Variants in SLC35F1 observed in about 807,000 individuals in gnomAD.
SLC35F1 encodes chromosome 6 open reading frame 169.
In SLC35F1, 14 loss-of-function variants were observed where a neutral mutation model predicts 48.7. That is an observed-to-expected ratio of 0.29 (90% CI 0.19 to 0.45). The LOEUF (loss-of-function observed/expected upper bound fraction) is 0.45. Among genes scored for constraint, SLC35F1 ranks in the 20% least tolerant of loss-of-function variants. The pLI, the probability that SLC35F1 is intolerant of heterozygous loss-of-function variation, is 1.00. For missense variants in SLC35F1, 404 were observed against 500.0 expected, an observed-to-expected ratio of 0.81 and a Z score of 1.83; for synonymous variants, 190 against 202.2, an observed-to-expected ratio of 0.94 and a Z score of 0.51.
At chr6:117,998,763 C>A (rs1355762922) in intron 1 of SLC35F1, among the ~76,000 whole-genome samples, 1 of 152,330 alleles carries the variant, frequency 6.6e-6, no homozygotes, top group Non-Finnish European at 1.5e-5. Context: ...ATCTCTGGGA[C>A]ACATTCAAAG....
At chr6:118,127,305 A>C (rs192037914) in intron 1 of SLC35F1, among the ~76,000 whole-genome samples, 75 of 152,262 alleles carry the variant, frequency 4.9e-4, no homozygotes, top group African/African-American at 1.6e-3. Context: ...GTATATTGAA[A>C]CAGCCTTGCA....
At chr6:118,172,738 T>C (rs1774424875) in intron 2 of SLC35F1, among the ~76,000 whole-genome samples, 1 of 152,180 alleles carries the variant, frequency 6.6e-6, no homozygotes. Context: ...GAATTTGTAA[T>C]TGTGGTTGTT....
At chr6:118,101,605 G>A (rs950606647) in intron 1 of SLC35F1, among the ~76,000 whole-genome samples, 1 of 152,148 alleles carries the variant, frequency 6.6e-6, no homozygotes, top group Non-Finnish European at 1.5e-5. Flanking sequence ...GAAGTGGGAT[G>A]GGAGAAGGGG....
intron 6 of SLC35F1, among the ~76,000 whole-genome samples, chr6:118,277,905 C>T (rs997889347): frequency 3.3e-5 from 5 of 151,896 alleles, no homozygotes; most frequent in Non-Finnish European, 7.4e-5. Flanking sequence ...CTGATGTAAC[C>T]ATTAAAAAGT....
At chr6:118,206,092 G>T (rs565047101) in intron 2 of SLC35F1, among the ~76,000 whole-genome samples, 12 of 152,018 alleles carry the variant, frequency 7.9e-5, no homozygotes, top group African/African-American at 2.9e-4. Context: ...GTAAATGTAT[G>T]GCTATATGAT....
At chr6:118,305,836 G>A (rs924308969) in intron 7 of SLC35F1, among the ~76,000 whole-genome samples, 5 of 152,180 alleles carry the variant, frequency 3.3e-5, no homozygotes, top group South Asian at 2.1e-4. Context: ...TGGTCACATG[G>A]TTGCAGCTGG....
At chr6:118,240,835 T>G (rs1352881865) in intron 3 of SLC35F1, among the ~76,000 whole-genome samples, 1 of 152,068 alleles carries the variant, frequency 6.6e-6, no homozygotes, top group African/African-American at 2.4e-5. Context: ...CCGAGCAGGG[T>G]CGTGTCTGGG....
At chr6:118,208,007 T>C (rs1582730150) in intron 2 of SLC35F1, among the ~76,000 whole-genome samples, 1 of 152,190 alleles carries the variant, frequency 6.6e-6, no homozygotes, top group Non-Finnish European at 1.5e-5. Context: ...AAAAGGGCAA[T>C]GCCTTCTTTA....
At chr6:118,266,862 C>T (rs1032528599) in intron 3 of SLC35F1, 133 bp from the exon 4 acceptor site, 1 of 865,868 alleles carries the variant, frequency 1.2e-6, no homozygotes, top group Admixed American at 2.1e-5. Context: ...TACATCAAGT[C>T]TGGGTCTACA....
At chr6:118,046,179 A>G (rs1562273495) in intron 1 of SLC35F1, among the ~76,000 whole-genome samples, 1 of 152,190 alleles carries the variant, frequency 6.6e-6, no homozygotes, top group Non-Finnish European at 1.5e-5. Flanking sequence ...TTAAAACTAG[A>G]CTAAATGAAT....
chr6:118,012,322 TG>T (rs68094027), intron 1 of SLC35F1, among the ~76,000 whole-genome samples: 35,660 of 115,722 alleles, frequency 0.31, 4,558 homozygotes, highest in African/African-American at 0.4. Context: ...GGACAATAAA[TG>T]GGGAAAAAAA....
chr6:118,208,675 A>G lies in SLC35F1; in HGVS notation c.350-26834A>G, dbSNP rs557428213. On this transcript the variant is annotated intron_variant, in intron 2 of 7. Coordinates refer to ENST00000360388, the MANE Select transcript of SLC35F1 (RefSeq NM_001029858.4). ...ATGTAACTAGATAGAAAAAATACCC[A>G]TTGTTCTACCATCCCATCACAAACA... Among the ~76,000 whole-genome samples, 29 of 152,302 alleles carry G rather than the reference A, an allele frequency of 1.9e-4. 2 individuals carry two copies. The South Asian group carries it at 5.8e-3, about 30-fold the overall frequency.
intron 1 of SLC35F1, among the ~76,000 whole-genome samples, chr6:118,024,561 GGT>G (rs915286796): frequency 6.6e-6 from 1 of 152,074 alleles, no homozygotes; most frequent in African/African-American, 2.4e-5. Context: ...CATTGTTTCA[GGT>G]CTTCAGTCAT....
At chr6:118,071,063 C>CATA (rs1772709765) in intron 1 of SLC35F1, among the ~76,000 whole-genome samples, 1 of 560 alleles carries the variant, frequency 1.8e-3, no homozygotes. Flanking sequence ...ATATATTCTA[C>CATA]GTATATATAC....
chr6:118,118,586 T>C (rs985895312), intron 1 of SLC35F1, among the ~76,000 whole-genome samples: 1 of 152,252 alleles, frequency 6.6e-6, no homozygotes, highest in Non-Finnish European at 1.5e-5. Flanking sequence ...ACATGCTTCA[T>C]GCCCATTTGT....
At chr6:118,040,664 G>T (rs920934175) in intron 1 of SLC35F1, among the ~76,000 whole-genome samples, 1 of 151,868 alleles carries the variant, frequency 6.6e-6, no homozygotes, top group African/African-American at 2.4e-5. Context: ...GGACATTAAA[G>T]GTTAGTAGTT....
chr6:117,960,683 C>A (rs921628147), intron 1 of SLC35F1, among the ~76,000 whole-genome samples: 3 of 152,020 alleles, frequency 2.0e-5, no homozygotes, highest in African/African-American at 7.3e-5. Context: ...GAAGTGTATT[C>A]TCTGCAGAAG....
chr6:117,970,989 TC>T (rs1776630490), intron 1 of SLC35F1, among the ~76,000 whole-genome samples: 1 of 152,150 alleles, frequency 6.6e-6, no homozygotes, highest in Admixed American at 6.6e-5. Context: ...CTCAATAGTC[TC>T]CCAAAGTATT....
At position 118,071,134 on chromosome 6, in the gene SLC35F1, CAT is replaced by C. The variant is rs1358476325; in HGVS notation, c.174-83303_174-83302del. On this transcript the variant is annotated intron_variant, in intron 1 of 7. Coordinates refer to ENST00000360388, the MANE Select transcript of SLC35F1 (RefSeq NM_001029858.4). ...ATATATATACATATATACATATATA[CAT>C]ATATATACATTCTATGTATATACAC... Among the ~76,000 whole-genome samples, 1,031 of 111,924 alleles carry C rather than the reference CAT, an allele frequency of 9.2e-3. 31 individuals are homozygous for C. The highest frequency in any genetic ancestry group is 0.033 in the African/African-American group (965 of 29,526). 73.4% of individuals were successfully genotyped at this position (111,924 alleles called of 152,430 possible).
Sources: allele counts gnomAD v4.1 joint callset (sites outside exome capture counted in the v4.1 genomes callset), GRCh38; gene constraint gnomAD v4.1.1; transcripts MANE v1.5; gene names NCBI Gene and HGNC (gene_info 2026-07-23, HGNC 2026-07-21).